Variants in VAV2 observed in about 807,000 individuals in gnomAD.
VAV2 encodes the protein vav guanine nucleotide exchange factor 2, also known as guanine nucleotide exchange factor VAV2.
In VAV2, 67 loss-of-function variants were observed where a neutral mutation model predicts 132.5. The ratio of observed to expected loss-of-function variants is 0.51; its 90% confidence interval spans 0.42 to 0.62. VAV2 has a LOEUF of 0.62. VAV2 is among the 20% of genes least tolerant of loss of function. VAV2 has a pLI of 0.00. For missense variants in VAV2, 938 were observed against 1,153.6 expected, an observed-to-expected ratio of 0.81 and a Z score of 2.71; for synonymous variants, 492 against 443.5, an observed-to-expected ratio of 1.11 and a Z score of -1.37.
intron 3 of VAV2, among the ~76,000 whole-genome samples, chr9:133,839,604 G>C (rs2993801): frequency 0.99 from 149,864 of 152,138 alleles, 73,826 homozygotes; most frequent in East Asian, 1. Context: ...CGCCCACCCC[G>C]ACGTCCAGCT....
chr9:133,803,668 G>A (rs1180399544), intron 9 of VAV2, among the ~76,000 whole-genome samples: 1 of 152,182 alleles, frequency 6.6e-6, no homozygotes, highest in Non-Finnish European at 1.5e-5. Flanking sequence ...GGAGGTGACT[G>A]TCTCCTGCCA....
At chr9:133,934,615 G>A (rs1245390128) in intron 2 of VAV2, among the ~76,000 whole-genome samples, 2 of 152,202 alleles carry the variant, frequency 1.3e-5, no homozygotes, top group African/African-American at 4.8e-5. Context: ...AGAACTCCAG[G>A]CTCTCCAGCC....
chr9:133,932,091 C>A (rs961137510), intron 2 of VAV2, among the ~76,000 whole-genome samples: 1 of 152,212 alleles, frequency 6.6e-6, no homozygotes, highest in East Asian at 1.9e-4. Context: ...AAGCAAGCCA[C>A]AGAAACCCCG....
chr9:133,903,101 T>C (rs1173894281), intron 2 of VAV2, among the ~76,000 whole-genome samples: 1 of 118,636 alleles, frequency 8.4e-6, no homozygotes, highest in African/African-American at 3.3e-5. Context: ...AAAAAAGAGG[T>C]AGTTTGGACA....
chr9:133,833,186 T>C lies in VAV2; in HGVS notation c.449+1086A>G, dbSNP rs1836328679. On this transcript the variant is annotated intron_variant, in intron 4 of 29. Transcript: ENST00000371850. The surrounding 1 kb of genome is among the most constrained non-coding windows in gnomAD (Gnocchi z 5.6). ...GCCAGCGTGGTGCCACATGCTGATA[T>C]GGGGATGACTTGAATTGTGTATATA... 6.6e-6 allele frequency among the ~76,000 whole-genome samples: 1 copy of C among 152,132 alleles called. No individual in the cohort carries two copies. The highest frequency in any genetic ancestry group is 1.5e-5 in the Non-Finnish European group (1 of 68,026).
chr9:133,863,865 T>TG lies in VAV2; in HGVS notation c.322-2434dup, dbSNP rs931136415. On this transcript the variant is annotated intron_variant, in intron 2 of 29. Transcript: ENST00000371850. The surrounding 1 kb of genome is among the most constrained non-coding windows in gnomAD (Gnocchi z 5.0). Reference sequence around the variant, plus strand: ...CCCCTGAGATAGCCATGGGGTCAGATGGGGCAAAGCCGGCCCCATGTGAAA... The same window carrying TG: ...CCCCTGAGATAGCCATGGGGTCAGATGGGGGCAAAGCCGGCCCCATGTGAAA... Among the ~76,000 whole-genome samples, 1 of 152,052 alleles carries TG rather than the reference T, an allele frequency of 6.6e-6. No homozygotes were observed. The highest frequency in any genetic ancestry group is 2.4e-5 in the African/African-American group (1 of 41,374).
Position 133,834,195 on chromosome 9 carries a change from C to T in VAV2, c.449+77G>A. ...CTGCACTGTGGCCGCCATGTTTCCTCCTGACTCCCTGGACACCACCAGGAA... is the reference window on the plus strand; with the variant it reads ...CTGCACTGTGGCCGCCATGTTTCCTTCTGACTCCCTGGACACCACCAGGAA... On this transcript the variant is annotated intron_variant, in intron 4 of 29. Coordinates refer to ENST00000371850, the MANE Select transcript of VAV2 (RefSeq NM_001134398.2). This position sits in a 1 kb window ranked among gnomAD's most constrained non-coding sequence, Gnocchi z 5.9. 1 of 1,512,700 alleles carries T rather than the reference C, an allele frequency of 6.6e-7. No homozygotes were observed. Among genetic ancestry groups the T allele is most frequent in the Non-Finnish European group, 9.0e-7 (1 of 1,115,328 alleles). 93.7% of individuals were successfully genotyped at this position (1,512,700 alleles called of 1,614,324 possible).
Position 133,833,689 on chromosome 9 carries a change from C to A in VAV2, c.449+583G>T, listed in dbSNP as rs191161296. Among the ~76,000 whole-genome samples the A allele has an allele frequency of 4.6e-5, 7 of 152,296 alleles. 1 individual carries two copies. The highest frequency in any genetic ancestry group is 1.7e-4 in the African/African-American group (7 of 41,574). On this transcript the variant is annotated intron_variant, in intron 4 of 29. Transcript: ENST00000371850. The surrounding 1 kb of genome is among the most constrained non-coding windows in gnomAD (Gnocchi z 5.6). ...ACAGATTCCCACGGTCCCGATGGGG[C>A]CCTGGTGCTGTGGCCAGGCTTGGGC...
At position 133,950,226 on chromosome 9, in the gene VAV2, G is replaced by T. The variant is rs147139476; in HGVS notation, c.205-11007C>A. 2.4e-3 allele frequency among the ~76,000 whole-genome samples: 366 copies of T among 152,336 alleles called. 3 individuals carry two copies. Among genetic ancestry groups the T allele is most frequent in the African/African-American group, 8.4e-3 (351 of 41,580 alleles). The stretch of plus-strand genomic sequence containing the variant: ...ATCCTGACGGTCAAGTCCTTCCTCA[G>T]CAGCACTCGAGAGGAAACCCAGCAA... On this transcript the variant is annotated intron_variant, in intron 1 of 29. Transcript: ENST00000371850.
intron 2 of VAV2, among the ~76,000 whole-genome samples, chr9:133,870,015 T>C (rs1837964637): frequency 6.6e-6 from 1 of 152,222 alleles, no homozygotes; most frequent in South Asian, 2.1e-4. Context: ...TTTTTTTTTC[T>C]TTTTTCTTGT....
rs747621286 is a variant in VAV2, at chr9:133,791,792, T to C, written c.1179A>G (p.Ile393Met). The C allele has an allele frequency of 6.2e-7, 1 of 1,614,154 alleles. No homozygotes were observed. The highest frequency in any genetic ancestry group is 8.5e-7 in the Non-Finnish European group (1 of 1,179,994). The change falls in exon 13 of 30, where the codon ATA (isoleucine) becomes ATG (methionine). Residue 393 changes from isoleucine to methionine, a missense_variant. By Grantham distance (10) the Ile-to-Met change is conservative (BLOSUM62 1). Coordinates refer to ENST00000371850, the MANE Select transcript of VAV2 (RefSeq NM_001134398.2). ...LRKISEFQSS[I>M]ENLQVKLEEF... Reference sequence around the variant, plus strand: ...AGTCAGTCTCACTCACCAAATTTTCTATAGAACTCTGAAATTCGCTGATTT... The same window carrying C: ...AGTCAGTCTCACTCACCAAATTTTCCATAGAACTCTGAAATTCGCTGATTT...
At chr9:133,771,588 T>C (rs1265565779) in intron 26 of VAV2, among the ~76,000 whole-genome samples, 5 of 152,178 alleles carry the variant, frequency 3.3e-5, no homozygotes, top group Non-Finnish European at 7.4e-5. Context: ...TTTGAAGCCA[T>C]ACATGTGTAA....
chr9:133,811,299 T>C (rs1269474686), intron 5 of VAV2, among the ~76,000 whole-genome samples: 1 of 152,264 alleles, frequency 6.6e-6, no homozygotes, highest in East Asian at 1.9e-4. Context: ...GCAAGGCCTC[T>C]TTAGGGATTT....
At chr9:133,812,871 C>T (rs777033875) in intron 4 of VAV2, among the ~76,000 whole-genome samples, 2 of 152,198 alleles carry the variant, frequency 1.3e-5, no homozygotes, top group Non-Finnish European at 2.9e-5. Flanking sequence ...CCACCTCCTC[C>T]AAGACACCCA....
rs188847428 is a variant in VAV2 at position 133,896,699 on chromosome 9, G to A, written c.322-35267C>T. ...GTAATTCCATTCTGGTTTGATTTCA[G>A]AAATTCTACCAGCTGTGTCTAGAAT... On this transcript the variant is annotated intron_variant, in intron 2 of 29. Coordinates refer to ENST00000371850, the MANE Select transcript of VAV2 (RefSeq NM_001134398.2). Among the ~76,000 whole-genome samples the A allele has an allele frequency of 7.0e-4, 106 of 152,260 alleles. 1 individual carries two copies. Among genetic ancestry groups the A allele is most frequent in the Non-Finnish European group, 9.0e-4 (61 of 68,024 alleles).
At chr9:133,933,278 T>C (rs182084269) in intron 2 of VAV2, among the ~76,000 whole-genome samples, 13 of 152,394 alleles carry the variant, frequency 8.5e-5, no homozygotes, top group African/African-American at 1.2e-4. Flanking sequence ...CTACCATTAA[T>C]TGCTCAGCAG....
chr9:133,917,905 C>T (rs1030115521), intron 2 of VAV2, among the ~76,000 whole-genome samples: 5 of 151,814 alleles, frequency 3.3e-5, no homozygotes, highest in South Asian at 2.1e-4. Context: ...CCTGGTCCCC[C>T]GCCCTGGTCC....
intron 2 of VAV2, among the ~76,000 whole-genome samples, chr9:133,907,017 C>T (rs937445886): frequency 3.3e-5 from 5 of 152,256 alleles, no homozygotes; most frequent in Non-Finnish European, 5.9e-5. Flanking sequence ...TCGGCCCCCT[C>T]AGGCCTGCCT....
At chr9:133,777,149 T>C (rs1417882848) in intron 23 of VAV2, among the ~76,000 whole-genome samples, 1 of 152,148 alleles carries the variant, frequency 6.6e-6, no homozygotes, top group Non-Finnish European at 1.5e-5. Context: ...TTGGTGTTTC[T>C]AAAACCACAA....
Sources: allele counts gnomAD v4.1 joint callset (sites outside exome capture counted in the v4.1 genomes callset), GRCh38; gene constraint gnomAD v4.1.1; non-coding constraint Gnocchi (gnomAD v3.1); transcripts MANE v1.5; gene names NCBI Gene and HGNC (gene_info 2026-07-23, HGNC 2026-07-21).